The following ALK variants were observed in gnomAD, a reference collection of about 807,000 sequenced individuals.
ALK encodes the protein ALK receptor tyrosine kinase.
In ALK, 74 loss-of-function variants were observed where a neutral mutation model predicts 163.1. That is an observed-to-expected ratio of 0.45 (90% CI 0.38 to 0.55). The LOEUF (loss-of-function observed/expected upper bound fraction) is 0.55. ALK is among the 20% of genes least tolerant of loss of function. The pLI, the probability that ALK is intolerant of heterozygous loss-of-function variation, is 0.00. For synonymous variants in ALK, 960 were observed against 843.2 expected, an observed-to-expected ratio of 1.14 and a Z score of -2.40; for missense variants, 2,063 against 2,105.3, an observed-to-expected ratio of 0.98 and a Z score of 0.39.
chr2:29,858,574 A>G (rs1666203781), intron 1 of ALK, among the ~76,000 whole-genome samples: 1 of 151,478 alleles, frequency 6.6e-6, no homozygotes, highest in African/African-American at 2.4e-5. Context: ...CTCTACTAAA[A>G]ATACAAAAAA....
intron 12 of ALK, 100 bp from the exon 13 acceptor site, chr2:29,239,930 G>A (rs1038998004): frequency 1.5e-5 from 21 of 1,390,582 alleles, no homozygotes; most frequent in Admixed American, 8.1e-5. Context: ...CATCGCCATC[G>A]TGGTCTGAGG....
chr2:29,672,465 T>G lies in ALK; in HGVS notation c.952+22385A>C, dbSNP rs535514898. ...TCTTGCGATAGTTTACTGAGAATGA[T>G]GATTTCCAATTTCATCCATGTCCCT... On this transcript the variant is annotated intron_variant, in intron 3 of 28. Coordinates refer to ENST00000389048, the MANE Select transcript of ALK (RefSeq NM_004304.5). Among the ~76,000 whole-genome samples the G allele has an allele frequency of 2.7e-3, 400 of 150,852 alleles. 1 individual carries two copies. The Middle Eastern group carries it at 0.034, about 13-fold the overall frequency.
intron 4 of ALK, among the ~76,000 whole-genome samples, chr2:29,404,780 G>A (rs1440980668): frequency 3.3e-5 from 5 of 152,202 alleles, no homozygotes; most frequent in African/African-American, 1.2e-4. Flanking sequence ...AAGAAAGTGA[G>A]AGCCCAGTGC....
intron 4 of ALK, among the ~76,000 whole-genome samples, chr2:29,456,487 C>T (rs1159272898): frequency 6.6e-6 from 1 of 152,120 alleles, no homozygotes; most frequent in African/African-American, 2.4e-5. Flanking sequence ...TATGATACCA[C>T]TTACATGAGG....
intron 4 of ALK, among the ~76,000 whole-genome samples, chr2:29,481,816 G>C (rs1671665141): frequency 6.6e-6 from 1 of 152,130 alleles, no homozygotes; most frequent in African/African-American, 2.4e-5. Context: ...TTGATACAGT[G>C]GTTACTTTAC....
chr2:29,883,723 T>A (rs537767451), intron 1 of ALK, among the ~76,000 whole-genome samples: 1 of 152,338 alleles, frequency 6.6e-6, no homozygotes, highest in South Asian at 2.1e-4. Context: ...TAAATATGGA[T>A]AACCTTTGAA....
chr2:29,879,052 G>A (rs1269864835), intron 1 of ALK, among the ~76,000 whole-genome samples: 1 of 152,092 alleles, frequency 6.6e-6, no homozygotes, highest in Non-Finnish European at 1.5e-5. Context: ...ATTCTACCCA[G>A]CATTCTTTGA....
chr2:29,615,604 A>T (rs1325142234), intron 3 of ALK, among the ~76,000 whole-genome samples: 2 of 152,192 alleles, frequency 1.3e-5, no homozygotes, highest in Non-Finnish European at 1.5e-5. Flanking sequence ...GTTGTTATCA[A>T]TACTATTTGC....
chr2:29,417,665 T>C (rs77376610), intron 4 of ALK, among the ~76,000 whole-genome samples: 3,075 of 152,268 alleles, frequency 0.02, 104 homozygotes, highest in African/African-American at 0.071. Context: ...GCTTCTAACC[T>C]ACATCCTGTG....
rs1210801101 is a variant in ALK at position 29,920,789 on chromosome 2, T to C, written c.-130A>G. Reference sequence around the variant, plus strand: ...CTTCCACCTGATCTCCAGAGGACTGTGCGTGCGCGCAAGTCTCTTGCTTTC... The same window carrying C: ...CTTCCACCTGATCTCCAGAGGACTGCGCGTGCGCGCAAGTCTCTTGCTTTC... On this transcript the variant is annotated 5_prime_UTR_variant, in exon 1 of 29. Transcript: ENST00000389048. 1.2e-6 allele frequency: 1 copy of C among 805,868 alleles called. No homozygotes were observed. 49.9% of individuals were successfully genotyped at this position (805,868 alleles called of 1,614,324 possible).
At chr2:29,365,884 C>G (rs6710872) in intron 5 of ALK, among the ~76,000 whole-genome samples, 1 of 152,130 alleles carries the variant, frequency 6.6e-6, no homozygotes, top group East Asian at 1.9e-4. Flanking sequence ...CTACAATGAG[C>G]TCATTATTAT....
chr2:29,202,550 G>C (rs962859174), intron 26 of ALK, among the ~76,000 whole-genome samples: 2 of 152,156 alleles, frequency 1.3e-5, no homozygotes, highest in Non-Finnish European at 2.9e-5. Flanking sequence ...TCCTACAATT[G>C]TATGTTTCAC....
intron 5 of ALK, among the ~76,000 whole-genome samples, chr2:29,383,321 CT>C (rs548212475): frequency 1.8e-3 from 258 of 145,262 alleles, no homozygotes; most frequent in South Asian, 1.7e-3. Context: ...ACACTCTAGA[CT>C]TTTTTTTTTT....
intron 4 of ALK, among the ~76,000 whole-genome samples, chr2:29,446,751 G>A (rs540193208): frequency 3.9e-5 from 6 of 152,352 alleles, no homozygotes; most frequent in Admixed American, 6.5e-5. Context: ...ATGAAAAATA[G>A]TGTGCAAATA....
intron 3 of ALK, among the ~76,000 whole-genome samples, chr2:29,673,808 G>A (rs1291848229): frequency 6.6e-6 from 1 of 151,484 alleles, no homozygotes; most frequent in Non-Finnish European, 1.5e-5. Context: ...TCCTACCCAA[G>A]AGCATGGAAT....
chr2:29,578,576 G>A (rs1001063525), intron 3 of ALK, among the ~76,000 whole-genome samples: 24 of 152,182 alleles, frequency 1.6e-4, no homozygotes, highest in Non-Finnish European at 4.4e-5. Flanking sequence ...GGGGTAGGGG[G>A]GCTCCCATGT....
At chr2:29,425,580 T>G (rs1232089002) in intron 4 of ALK, among the ~76,000 whole-genome samples, 1 of 152,060 alleles carries the variant, frequency 6.6e-6, no homozygotes, top group Admixed American at 6.6e-5. Context: ...GCAAGAGACA[T>G]GTTGAGAAGA....
chr2:29,828,913 G>C (rs1174592148), intron 1 of ALK, among the ~76,000 whole-genome samples: 18 of 151,870 alleles, frequency 1.2e-4, no homozygotes, highest in Admixed American at 7.2e-4. Context: ...TTGGAACCAA[G>C]CCAAATGTCC....
intron 12 of ALK, among the ~76,000 whole-genome samples, chr2:29,242,952 G>C (rs1664562199): frequency 6.6e-6 from 1 of 152,208 alleles, no homozygotes; most frequent in Non-Finnish European, 1.5e-5. Context: ...GCAGGCAGCT[G>C]CCTACCTGAA....
Sources: gnomAD v4.1 joint callset for allele counts (sites outside exome capture counted in the v4.1 genomes callset) on GRCh38, gnomAD v4.1.1 for gene constraint, MANE v1.5 for transcripts, NCBI Gene and HGNC (gene_info 2026-07-23, HGNC 2026-07-21) for gene names.